The following CDYL variants were observed in gnomAD, a reference collection of about 807,000 sequenced individuals.
CDYL encodes chromodomain Y-like protein.
A neutral mutation model predicts 47.3 loss-of-function variants in CDYL; 8 were observed. The ratio of observed to expected loss-of-function variants is 0.17; its 90% confidence interval spans 0.10 to 0.31. CDYL has a LOEUF of 0.31. Ranked by LOEUF, CDYL falls within the 10% of genes least tolerant of loss-of-function variation. CDYL has a pLI of 1.00. For missense variants in CDYL, 471 were observed against 701.4 expected, an observed-to-expected ratio of 0.67 and a Z score of 3.71; for synonymous variants, 266 against 265.0, an observed-to-expected ratio of 1.00 and a Z score of -0.04.
chr6:4,771,693 CT>C (rs1561842957), upstream of CDYL, among the ~76,000 whole-genome samples: 4 of 152,216 alleles, frequency 2.6e-5, no homozygotes, highest in African/African-American at 9.6e-5. Flanking sequence ...ACACTCATCT[CT>C]TGCCTAGTTG....
At chr6:4,815,957 T>A (rs932398642) in intron 1 of CDYL, among the ~76,000 whole-genome samples, 2 of 140,316 alleles carry the variant, frequency 1.4e-5, no homozygotes, top group African/African-American at 5.0e-5. Context: ...ATATTTTCTT[T>A]GAGTATTTTT....
chr6:4,917,790 C>T (rs966248667), intron 2 of CDYL, among the ~76,000 whole-genome samples: 7 of 152,298 alleles, frequency 4.6e-5, no homozygotes, highest in African/African-American at 1.7e-4. Flanking sequence ...TCAGCAAACA[C>T]CTTGAACCCC....
At chr6:4,863,108 T>C (rs547617217) in intron 1 of CDYL, among the ~76,000 whole-genome samples, 24 of 151,940 alleles carry the variant, frequency 1.6e-4, no homozygotes, top group Non-Finnish European at 2.8e-4. Context: ...AAACAGAAAA[T>C]CAAATACCAC....
chr6:4,929,427 C>G (rs1757969610), intron 2 of CDYL, among the ~76,000 whole-genome samples: 1 of 151,384 alleles, frequency 6.6e-6, no homozygotes, highest in Non-Finnish European at 1.5e-5. Flanking sequence ...CTTCTTGAAT[C>G]TGTCAGCTTC....
At chr6:4,724,442 A>ATTT (rs1757450010) in intron 2 of CDYL, 1 of 152,254 alleles carries the variant, frequency 6.6e-6, no homozygotes, top group Admixed American at 6.6e-5. Flanking sequence ...TACTGTGCCA[A>ATTT]ATGTCTATAC....
At chr6:4,783,995 C>T (rs890962557) in intron 1 of CDYL, among the ~76,000 whole-genome samples, 1 of 152,088 alleles carries the variant, frequency 6.6e-6, no homozygotes, top group African/African-American at 2.4e-5. Flanking sequence ...ATTTCATTCT[C>T]TCTTCTTTGT....
At chr6:4,759,601 G>T (rs1442696782) in intron 3 of CDYL, among the ~76,000 whole-genome samples, 1 of 151,910 alleles carries the variant, frequency 6.6e-6, no homozygotes. Flanking sequence ...TGTAGGACTT[G>T]GTGGGTGCAG....
intron 1 of CDYL, among the ~76,000 whole-genome samples, chr6:4,846,732 A>G (rs1467270146): frequency 1.3e-5 from 2 of 152,194 alleles, no homozygotes. Flanking sequence ...TTAAACTCAA[A>G]CTGGCTTATT....
At chr6:4,833,166 G>T (rs1760197148) in intron 1 of CDYL, among the ~76,000 whole-genome samples, 2 of 144,718 alleles carry the variant, frequency 1.4e-5, no homozygotes, top group Admixed American at 1.3e-4. Context: ...TGTGATGTTA[G>T]AGTGTCAATT....
At chr6:4,779,401 C>CTG (rs143073983) in intron 1 of CDYL, among the ~76,000 whole-genome samples, 14,067 of 152,220 alleles carry the variant, frequency 0.092, 712 homozygotes, top group Middle Eastern at 0.14. Context: ...TCTGCAGTAA[C>CTG]TGGGAACTTG....
chr6:4,747,878 C>T (rs1757925037), intron 3 of CDYL, among the ~76,000 whole-genome samples: 1 of 152,216 alleles, frequency 6.6e-6, no homozygotes, highest in African/African-American at 2.4e-5. Flanking sequence ...TACTGCACTG[C>T]AATTCTTTTG....
At chr6:4,839,330 G>A (rs1760420074) in intron 1 of CDYL, among the ~76,000 whole-genome samples, 2 of 152,188 alleles carry the variant, frequency 1.3e-5, no homozygotes, top group African/African-American at 4.8e-5. Context: ...TTATTTGTCA[G>A]ATGTATAGAT....
intron 6 of CDYL, 43 bp downstream of exon 6, chr6:4,952,452 A>G (rs1362643766): frequency 1.3e-6 from 2 of 1,577,858 alleles, no homozygotes; most frequent in African/African-American, 1.4e-5. Flanking sequence ...TTTAAAAAAT[A>G]GAAACTTTTC....
In CDYL at chr6:4,891,789, G is replaced by C. The variant is rs770399503; in HGVS notation, c.101G>C (p.Ser34Thr). 1 of 1,614,154 alleles carries C rather than the reference G, an allele frequency of 6.2e-7. No individual in the cohort carries two copies. The highest frequency in any genetic ancestry group is 1.1e-5 in the South Asian group (1 of 91,086). The part of the protein sequence containing the change: ...EYLVRWKGYD[S>T]EDDTWEPEQH... ...TTGGTTCGGTGGAAAGGCTATGACA[G>C]CGAGGACGACACTTGGGAGCCGGAA... Residue 34 changes from serine to threonine, a missense_variant, in exon 2 of 7, where the codon AGC becomes ACC. Coordinates refer to ENST00000397588, the MANE Select transcript of CDYL (RefSeq NM_004824.4).
chr6:4,906,448 G>A (rs993997208), intron 2 of CDYL, among the ~76,000 whole-genome samples: 1 of 152,178 alleles, frequency 6.6e-6, no homozygotes, highest in Non-Finnish European at 1.5e-5. Flanking sequence ...CTCTGGGAGT[G>A]CGGCTGCCTC....
intron 3 of CDYL, among the ~76,000 whole-genome samples, chr6:4,737,411 G>A (rs2127415869): frequency 6.6e-6 from 1 of 152,198 alleles, no homozygotes; most frequent in Admixed American, 6.5e-5. Flanking sequence ...CCAGCACTTT[G>A]GGAGGCTGAG....
intron 3 of CDYL, among the ~76,000 whole-genome samples, chr6:4,751,883 C>T (rs1003141252): frequency 4.6e-5 from 7 of 152,338 alleles, no homozygotes; most frequent in Middle Eastern, 3.4e-3. Context: ...GAAATATTAA[C>T]ATGCTATGGG....
chr6:4,838,207 A>G (rs1479674695), intron 1 of CDYL, among the ~76,000 whole-genome samples: 5 of 152,072 alleles, frequency 3.3e-5, no homozygotes, highest in African/African-American at 1.2e-4. Context: ...GTTTGGTTAC[A>G]TGAATAAGTT....
At chr6:4,902,068 G>T (rs1406974109) in intron 2 of CDYL, among the ~76,000 whole-genome samples, 1 of 152,106 alleles carries the variant, frequency 6.6e-6, no homozygotes, top group Non-Finnish European at 1.5e-5. Flanking sequence ...GGGATGAGAG[G>T]ATACCCCAGG....
Sources: gnomAD v4.1 joint callset for allele counts (sites outside exome capture counted in the v4.1 genomes callset) on GRCh38, gnomAD v4.1.1 for gene constraint, MANE v1.5 for transcripts, NCBI Gene and HGNC (gene_info 2026-07-23, HGNC 2026-07-21) for gene names.